The following PEAK1 variants were observed in gnomAD, a reference collection of about 807,000 sequenced individuals.
PEAK1 encodes the protein pseudopodium enriched atypical kinase 1.
PEAK1 carries 54 observed loss-of-function variants against 124.7 expected under a neutral mutation model. The ratio of observed to expected loss-of-function variants is 0.43; its 90% CI spans 0.35 to 0.54. The LOEUF is 0.54. Among genes scored for constraint, PEAK1 ranks in the 20% least tolerant of loss-of-function variants. PEAK1 has a pLI of 0.01. For missense variants in PEAK1, 2,046 were observed against 2,134.5 expected (o/e 0.96, Z 0.82); for synonymous variants, 719 against 760.0 (o/e 0.95, Z 0.89).
chr15:77,325,878 T>TATAAA (rs1555483482), intron 2 of PEAK1, among the ~76,000 whole-genome samples: 3 of 152,112 alleles, frequency 2.0e-5, no homozygotes, highest in Non-Finnish European at 4.4e-5. Flanking sequence ...GGTTACCTTA[T>TATAAA]ATAAAGTTAA....
chr15:77,337,167 T>C (rs1042150044), intron 2 of PEAK1: 3 of 984,680 alleles, frequency 3.0e-6, no homozygotes, highest in Non-Finnish European at 3.6e-6. Context: ...CCTGTGCCCA[T>C]GAAGTTTGAG....
chr15:77,173,355 A>G (rs753220228), intron 7 of PEAK1, among the ~76,000 whole-genome samples: 1 of 152,148 alleles, frequency 6.6e-6, no homozygotes, highest in Non-Finnish European at 1.5e-5. Context: ...AATTGTATAT[A>G]TTTATGGGGT....
chr15:77,182,908 A>G (rs1281199430), intron 6 of PEAK1, among the ~76,000 whole-genome samples: 1 of 152,158 alleles, frequency 6.6e-6, no homozygotes, highest in Non-Finnish European at 1.5e-5. Context: ...TGCATTTTAA[A>G]AAGACAGCTC....
chr15:77,103,607 G>A (rs1432572920), downstream of PEAK1: 1 of 152,216 alleles, frequency 6.6e-6, no homozygotes, highest in African/African-American at 2.4e-5. Flanking sequence ...CCATGACAGG[G>A]TGGGAGTGGA....
intron 8 of PEAK1, among the ~76,000 whole-genome samples, chr15:77,152,377 G>C (rs2054721946): frequency 6.6e-6 from 1 of 151,924 alleles, no homozygotes; most frequent in Non-Finnish European, 1.5e-5. Flanking sequence ...ATCAGCTTAA[G>C]GAGATTTTGG....
chr15:77,121,707 T>G (rs2051934127), intron 9 of PEAK1, among the ~76,000 whole-genome samples: 1 of 152,206 alleles, frequency 6.6e-6, no homozygotes, highest in African/African-American at 2.4e-5. Flanking sequence ...CTCTGATTTT[T>G]CCATTATGGG....
chr15:77,373,086 T>A (rs1157416459), intron 1 of PEAK1, among the ~76,000 whole-genome samples: 2 of 152,178 alleles, frequency 1.3e-5, no homozygotes, highest in African/African-American at 2.4e-5. Context: ...TGGAGCAATT[T>A]CAAAACTATA....
chr15:77,407,425 A>T (rs988331987), intron 1 of PEAK1, among the ~76,000 whole-genome samples: 2 of 152,004 alleles, frequency 1.3e-5, no homozygotes, highest in Non-Finnish European at 1.5e-5. Flanking sequence ...AATCAGCAAG[A>T]AAAAAAACAA....
chr15:77,193,859 A>AAC (rs2057976515), intron 6 of PEAK1, among the ~76,000 whole-genome samples: 1 of 150,474 alleles, frequency 6.6e-6, no homozygotes, highest in South Asian at 2.1e-4. Context: ...AACTAAACTA[A>AAC]TCTAACTCTC....
chr15:77,158,288 C>T (rs1226841837), intron 8 of PEAK1: 1 of 542,092 alleles, frequency 1.8e-6, no homozygotes, highest in Non-Finnish European at 3.3e-6. Context: ...GTTAATAACC[C>T]TTAGCACTTG....
intron 5 of PEAK1, among the ~76,000 whole-genome samples, chr15:77,280,141 G>C (rs2062586055): frequency 6.6e-6 from 1 of 152,110 alleles, no homozygotes; most frequent in South Asian, 2.1e-4. Context: ...AGGAGTTCGA[G>C]GCCAGCCTGG....
At chr15:77,161,333 C>A (rs573144824) in intron 7 of PEAK1, among the ~76,000 whole-genome samples, 29 of 152,282 alleles carry the variant, frequency 1.9e-4, no homozygotes, top group African/African-American at 5.8e-4. Context: ...GGGAAATGTG[C>A]CAAATTACCT....
intron 8 of PEAK1, chr15:77,157,293 G>T (rs1463721003): frequency 6.6e-6 from 1 of 152,180 alleles, no homozygotes; most frequent in African/African-American, 2.4e-5. Context: ...CTAAGGATTG[G>T]TCAGTAGTTC....
At chr15:77,168,236 C>T (rs897209099) in intron 7 of PEAK1, among the ~76,000 whole-genome samples, 24 of 98,944 alleles carry the variant, frequency 2.4e-4, no homozygotes, top group African/African-American at 9.7e-4. Flanking sequence ...CATGTGCGCG[C>T]GCACACACAC....
intron 5 of PEAK1, among the ~76,000 whole-genome samples, chr15:77,276,921 T>C (rs1032788383): frequency 6.6e-6 from 1 of 152,196 alleles, no homozygotes; most frequent in Non-Finnish European, 1.5e-5. Flanking sequence ...TTCTATACTT[T>C]ACTGGAAGTG....
intron 6 of PEAK1, among the ~76,000 whole-genome samples, chr15:77,247,491 T>TC (rs1352232653): frequency 7.7e-6 from 1 of 129,840 alleles, no homozygotes; most frequent in Admixed American, 7.6e-5. Context: ...TTTTCTTTTT[T>TC]TTTTTTTTTT....
chr15:77,219,821 C>T (rs1734132541), intron 6 of PEAK1, among the ~76,000 whole-genome samples: 1 of 152,146 alleles, frequency 6.6e-6, no homozygotes, highest in African/African-American at 2.4e-5. Flanking sequence ...ATCTTCAAAA[C>T]ACACTTTTTA....
At chr15:77,203,981 C>T (rs1596593141) in intron 6 of PEAK1, among the ~76,000 whole-genome samples, 1 of 152,116 alleles carries the variant, frequency 6.6e-6, no homozygotes, top group East Asian at 1.9e-4. Flanking sequence ...AGAACACAAG[C>T]CACATAGTGA....
intron 2 of PEAK1, among the ~76,000 whole-genome samples, chr15:77,356,155 G>A (rs2067505108): frequency 6.6e-6 from 1 of 152,248 alleles, no homozygotes; most frequent in South Asian, 2.1e-4. Flanking sequence ...AACTTAAGGG[G>A]TAATAAAATG....
Sources: gnomAD v4.1 joint callset for allele counts (sites outside exome capture counted in the v4.1 genomes callset) on GRCh38, gnomAD v4.1.1 for gene constraint, MANE v1.5 for transcripts, NCBI Gene and HGNC (gene_info 2026-07-23, HGNC 2026-07-21) for gene names.